The following PUS7 variants were observed in gnomAD, a reference collection of about 807,000 sequenced individuals.
PUS7 encodes pseudouridine synthase 7.
PUS7 carries 48 observed loss-of-function variants against 79.8 expected under a neutral mutation model. The ratio of observed to expected loss-of-function variants is 0.60; its 90% confidence interval spans 0.48 to 0.76. The LOEUF (loss-of-function observed/expected upper bound fraction) is 0.76, where lower values mean the gene tolerates loss of function less well. PUS7 is among the 30% of genes least tolerant of loss of function. The pLI is 0.00. For synonymous variants in PUS7, 286 were observed against 272.2 expected (o/e 1.05, Z -0.50); for missense variants, 729 against 797.6 (o/e 0.91, Z 1.04).
intron 1 of PUS7, among the ~76,000 whole-genome samples, chr7:105,521,557 C>A (rs1027051797): frequency 1.3e-5 from 2 of 152,208 alleles, no homozygotes; most frequent in African/African-American, 4.8e-5. Context: ...TAGTAGGCTC[C>A]CAGTGAGCGG....
intron 7 of PUS7, among the ~76,000 whole-genome samples, chr7:105,486,915 C>T (rs922132765): frequency 4.6e-5 from 7 of 151,900 alleles, no homozygotes; most frequent in African/African-American, 1.5e-4. Flanking sequence ...CAAAAATTGG[C>T]AGGGCATGGT....
In PUS7 at chr7:105,506,358, TAC is replaced by T. The variant is rs1436853632; in HGVS notation, c.399-87_399-86del. On this transcript the variant is annotated intron_variant, in intron 2 of 15. Transcript: ENST00000469408. ...GATAAAGTTGATCAACAGCAAGCCTTACTATTATGCAAAACAAGGAATTTTAA... is the reference window on the plus strand; with the variant it reads ...GATAAAGTTGATCAACAGCAAGCCTTTATTATGCAAAACAAGGAATTTTAA... The T allele has an allele frequency of 3.2e-6, 3 of 930,918 alleles. No homozygotes were observed. The African/African-American group carries it at 5.1e-5, about 16-fold the overall frequency. The allele number at this position is 930,918 out of a possible 1,614,324, so 57.7% of individuals were successfully genotyped here.
At chr7:105,509,279 A>C (rs1825612988) in intron 1 of PUS7, among the ~76,000 whole-genome samples, 1 of 151,258 alleles carries the variant, frequency 6.6e-6, no homozygotes, top group African/African-American at 2.4e-5. Flanking sequence ...AAAATCATTT[A>C]TAGAAATAAT....
Position 105,468,222 on chromosome 7 carries a change from C to T in PUS7, c.1525+115G>A, listed in dbSNP as rs151022526. The T allele has an allele frequency of 6.5e-3, 9,047 of 1,383,888 alleles. 46 individuals are homozygous for T. Among genetic ancestry groups the T allele is most frequent in the Non-Finnish European group, 7.3e-3 (7,466 of 1,020,402 alleles). 85.7% of individuals were successfully genotyped at this position (1,383,888 alleles called of 1,614,324 possible). On this transcript the variant is annotated intron_variant, in intron 12 of 15. Coordinates refer to ENST00000469408, the MANE Select transcript of PUS7 (RefSeq NM_019042.5). Reference sequence around the variant, plus strand: ...TGTCAGGATTATGGGCGTGTACCACCGTGCCTCACCACATCTCTCTTTCTT... The same window carrying T: ...TGTCAGGATTATGGGCGTGTACCACTGTGCCTCACCACATCTCTCTTTCTT...
At chr7:105,500,443 C>T (rs1044952440) in intron 5 of PUS7, among the ~76,000 whole-genome samples, 3 of 152,160 alleles carry the variant, frequency 2.0e-5, no homozygotes, top group Non-Finnish European at 4.4e-5. Flanking sequence ...ATGCCCTCCA[C>T]CCTCTCACAA....
chr7:105,459,582 T>C (rs958858307), intron 14 of PUS7, among the ~76,000 whole-genome samples: 3 of 151,244 alleles, frequency 2.0e-5, no homozygotes, highest in Non-Finnish European at 4.4e-5. Context: ...GGACTATAGG[T>C]GTCTGCCACC....
chr7:105,521,382 G>A (rs1485911304), intron 1 of PUS7, among the ~76,000 whole-genome samples: 3 of 152,230 alleles, frequency 2.0e-5, no homozygotes, highest in Non-Finnish European at 2.9e-5. Flanking sequence ...GCGCAGGGCT[G>A]ACGAGGAGGA....
At chr7:105,499,845 T>A (rs1311735323) in intron 5 of PUS7, among the ~76,000 whole-genome samples, 1 of 152,236 alleles carries the variant, frequency 6.6e-6, no homozygotes, top group Non-Finnish European at 1.5e-5. Flanking sequence ...AATGATACTT[T>A]AAAAGCTAAA....
chr7:105,458,058 G>A (rs1230365109), intron 15 of PUS7, 132 bp from the exon 16 acceptor site: 19 of 983,660 alleles, frequency 1.9e-5, no homozygotes, highest in Non-Finnish European at 2.4e-5. Context: ...GGGGGCCTTG[G>A]AGAATGAGAC....
chr7:105,471,583 G>A (rs1823874145), intron 10 of PUS7, among the ~76,000 whole-genome samples: 1 of 152,194 alleles, frequency 6.6e-6, no homozygotes. Flanking sequence ...AGGCTGAGGT[G>A]GGCGGATCAC....
intron 5 of PUS7, among the ~76,000 whole-genome samples, chr7:105,498,990 T>C (rs545803082): frequency 6.6e-6 from 1 of 152,268 alleles, no homozygotes; most frequent in East Asian, 1.9e-4. Context: ...GCCTAACCTA[T>C]GTTCCCCTCT....
In PUS7 at chr7:105,465,328, A is replaced by T; in HGVS notation, c.1612T>A (p.Tyr538Asn). 6.2e-7 allele frequency: 1 copy of T among 1,609,856 alleles called. No homozygotes were observed. Among genetic ancestry groups the T allele is most frequent in the Non-Finnish European group, 8.5e-7 (1 of 1,176,206 alleles). Residue 538 changes from tyrosine to asparagine, a missense_variant, in exon 13 of 16, where the codon TAC becomes AAC. Tyr to Asn is a moderately radical substitution (Grantham distance 143, BLOSUM62 -2). Transcript: ENST00000469408. Reference protein sequence around the residue: ...VMPLPGFDVIYPKHKIQEAYR... With the variant: ...VMPLPGFDVINPKHKIQEAYR... The stretch of plus-strand genomic sequence containing the variant: ...GGGAACTTACTTTTATGCTTTGGGT[A>T]GATAACATCGAAACCAGGCAAGGGC...
In PUS7 at chr7:105,500,096, A is replaced by G. The variant is rs1825186932; in HGVS notation, c.730+2324T>C. On this transcript the variant is annotated intron_variant, in intron 5 of 15. Transcript: ENST00000469408. The stretch of plus-strand genomic sequence containing the variant: ...ATGGCAGAGATTTAGTCCATCTTTG[A>G]AGAAATGTCACAACACCACAAGCCC... Among the ~76,000 whole-genome samples the G allele has an allele frequency of 2.0e-5, 3 of 152,162 alleles. No homozygotes were observed. In the South Asian group the frequency reaches 6.2e-4, roughly 32 times the overall value.
chr7:105,471,259 G>T (rs1421565280), intron 10 of PUS7, among the ~76,000 whole-genome samples: 1 of 152,146 alleles, frequency 6.6e-6, no homozygotes, highest in Non-Finnish European at 1.5e-5. Context: ...TTGACAATCA[G>T]TAGTTTAATC....
intron 1 of PUS7, 83 bp from the exon 2 acceptor site, chr7:105,508,627 C>G: frequency 6.7e-7 from 1 of 1,496,364 alleles, no homozygotes; most frequent in Non-Finnish European, 8.8e-7. Context: ...CCTGTAATCC[C>G]AGCGTTTTGA....
chr7:105,506,085 G>T, intron 3 of PUS7, 29 bp from the exon 4 acceptor site: 1 of 1,587,518 alleles, frequency 6.3e-7, no homozygotes, highest in Non-Finnish European at 8.6e-7. Context: ...AACTCACAAT[G>T]AATCATACAT....
intron 2 of PUS7, among the ~76,000 whole-genome samples, chr7:105,506,868 A>G (rs1475970552): frequency 1.3e-5 from 2 of 152,198 alleles, no homozygotes; most frequent in African/African-American, 2.4e-5. Context: ...ATGACGATTC[A>G]GGCAGCCCAC....
chr7:105,521,699 G>A (rs1399800909), intron 1 of PUS7, among the ~76,000 whole-genome samples: 3 of 152,206 alleles, frequency 2.0e-5, no homozygotes. Flanking sequence ...GGAGCGTCCG[G>A]GGCAAAGAAA....
Position 105,481,059 on chromosome 7 carries a change from C to T in PUS7, c.1168G>A (p.Val390Ile). Residue 390 changes from valine to isoleucine, a missense_variant, in exon 9 of 16, where the codon GTT (valine) becomes ATT (isoleucine). By Grantham distance (29) the Val-to-Ile change is conservative. Transcript: ENST00000469408. ...AAGAAATTAAATACCAACCTTCCAA[C>T]CTGATACGTAGGGACAGCTGTGGTT... Reference protein sequence around the residue: ...FGTTAVPTYQVGRAILQNSWT... With the variant: ...FGTTAVPTYQIGRAILQNSWT... The T allele has an allele frequency of 6.2e-7, 1 of 1,608,264 alleles. No individual in the cohort carries two copies. Among genetic ancestry groups the T allele is most frequent in the South Asian group, 1.1e-5 (1 of 89,672 alleles).
Sources: allele counts gnomAD v4.1 joint callset (sites outside exome capture counted in the v4.1 genomes callset), GRCh38; gene constraint gnomAD v4.1.1; transcripts MANE v1.5; gene names NCBI Gene and HGNC (gene_info 2026-07-23, HGNC 2026-07-21).